The following BAZ2B variants were observed in gnomAD, a reference collection of about 807,000 sequenced individuals.
The protein encoded by BAZ2B is bromodomain adjacent to zinc finger domain 2B, also known as bromodomain adjacent to zinc finger domain protein 2B.
BAZ2B carries 91 observed loss-of-function variants against 246.0 expected under a neutral mutation model. The observed-to-expected ratio is 0.37, with a 90% confidence interval of 0.31 to 0.44. The LOEUF (loss-of-function observed/expected upper bound fraction) is 0.44, where lower values mean the gene tolerates loss of function less well. Among genes scored for constraint, BAZ2B ranks in the 20% least tolerant of loss-of-function variants. BAZ2B has a pLI of 1.00. For missense variants in BAZ2B, 2,332 were observed against 2,533.7 expected, an observed-to-expected ratio of 0.92 and a Z score of 1.71; for synonymous variants, 855 against 860.0, an observed-to-expected ratio of 0.99 and a Z score of 0.10.
At chr2:159,463,074 C>T in intron 3 of BAZ2B, 1 of 717,250 alleles carries the variant, frequency 1.4e-6, no homozygotes, top group South Asian at 1.6e-5. Flanking sequence ...CGGGTGTGAA[C>T]TGATCCATGT....
downstream of BAZ2B, among the ~76,000 whole-genome samples, chr2:159,318,221 A>G (rs1025422402): frequency 2.6e-4 from 40 of 152,222 alleles, no homozygotes; most frequent in Non-Finnish European, 1.8e-4. Context: ...TAGAAACACA[A>G]AAACCAGACA....
chr2:159,453,940 C>T, intron 3 of BAZ2B, 139 bp from the exon 4 acceptor site: 2 of 644,592 alleles, frequency 3.1e-6, no homozygotes, highest in East Asian at 3.5e-5. Flanking sequence ...GCATTTTCTA[C>T]TCTTCAAACC....
chr2:159,427,833 T>C, intron 13 of BAZ2B, 108 bp downstream of exon 13: 2 of 820,422 alleles, frequency 2.4e-6, no homozygotes, highest in East Asian at 2.6e-5. Flanking sequence ...TATAGCCATA[T>C]GAACTAATTA....
chr2:159,481,590 G>A (rs1383917415), intron 2 of BAZ2B, among the ~76,000 whole-genome samples: 1 of 151,770 alleles, frequency 6.6e-6, no homozygotes, highest in Non-Finnish European at 1.5e-5. Context: ...TCACAGTGGA[G>A]AAACAACATT....
chr2:159,398,748 T>A, intron 18 of BAZ2B, 81 bp downstream of exon 18: 4 of 1,303,956 alleles, frequency 3.1e-6, no homozygotes, highest in Non-Finnish European at 4.2e-6. Context: ...AAGAAAGCTA[T>A]TTTTTCATAT....
At chr2:159,318,800 T>G (rs912339142), downstream of BAZ2B, among the ~76,000 whole-genome samples, 2 of 151,656 alleles carry the variant, frequency 1.3e-5, no homozygotes, top group Non-Finnish European at 2.9e-5. Flanking sequence ...CCAGAGAGGT[T>G]TTCAGGCTAC....
At chr2:159,411,053 ACT>A (rs1208786451) in intron 14 of BAZ2B, among the ~76,000 whole-genome samples, 1 of 152,182 alleles carries the variant, frequency 6.6e-6, no homozygotes, top group African/African-American at 2.4e-5. Flanking sequence ...ACAGGGTCTC[ACT>A]CTGTCAGCCA....
rs558886477 is a variant in BAZ2B, at chr2:159,455,292, C to T, written c.146-1491G>A. Among the ~76,000 whole-genome samples the T allele has an allele frequency of 9.0e-4, 137 of 152,178 alleles. 1 individual carries two copies. The highest frequency in any genetic ancestry group is 3.1e-3 in the African/African-American group (128 of 41,550). ...AAAACCAAGGGAAAGTCCTAAAAAA[C>T]GGTCAGTGTACCCTCTAAAGTCTGA... On this transcript the variant is annotated intron_variant, in intron 3 of 36. Transcript: ENST00000392783.
intron 33 of BAZ2B, among the ~76,000 whole-genome samples, chr2:159,335,367 T>G (rs1299831315): frequency 6.6e-6 from 1 of 151,918 alleles, no homozygotes; most frequent in African/African-American, 2.4e-5. Context: ...GCCAACATGG[T>G]GAAACACTGT....
At chr2:159,643,550 T>C in the BAZ2B span, among the ~76,000 whole-genome samples, 1 of 152,104 alleles carries the variant, frequency 6.6e-6, no homozygotes, top group African/African-American at 2.4e-5. Context: ...CCGTAATTCA[T>C]ACCCTTCTCA....
chr2:159,457,733 C>T lies in BAZ2B; in HGVS notation c.146-3932G>A, dbSNP rs115163350. On this transcript the variant is annotated intron_variant, in intron 3 of 36. Coordinates refer to ENST00000392783, the MANE Select transcript of BAZ2B (RefSeq NM_013450.4). ...TCCATTCCCTTATTTCTCAGCACCACCTCCAGCCCCTCCCAGGGCCACTCC... is the reference window on the plus strand; with the variant it reads ...TCCATTCCCTTATTTCTCAGCACCATCTCCAGCCCCTCCCAGGGCCACTCC... Among the ~76,000 whole-genome samples, 838 of 152,230 alleles carry T rather than the reference C, an allele frequency of 5.5e-3. 8 individuals carry two copies. The highest frequency in any genetic ancestry group is 0.019 in the African/African-American group (802 of 41,540).
chr2:159,539,701 C>A (rs144496779), intron 2 of BAZ2B, among the ~76,000 whole-genome samples: 2 of 152,310 alleles, frequency 1.3e-5, no homozygotes, highest in African/African-American at 4.8e-5. Context: ...CATACTGAGA[C>A]CCTGTCTGTA....
intron 27 of BAZ2B, among the ~76,000 whole-genome samples, chr2:159,365,844 C>T (rs921342957): frequency 2.6e-5 from 4 of 151,992 alleles, no homozygotes; most frequent in Admixed American, 6.6e-5. Context: ...CGTGCCTGAC[C>T]AAAAAAAGTG....
intron 14 of BAZ2B, among the ~76,000 whole-genome samples, chr2:159,405,454 C>T (rs764837637): frequency 5.4e-4 from 82 of 152,134 alleles, no homozygotes; most frequent in Admixed American, 1.1e-3. Flanking sequence ...TCATGATCTG[C>T]CCCGCCTCGG....
chr2:159,585,825 G>C (rs1416617000), intron 1 of BAZ2B, among the ~76,000 whole-genome samples: 1 of 152,238 alleles, frequency 6.6e-6, no homozygotes, highest in African/African-American at 2.4e-5. Context: ...CTGCTTTCAA[G>C]TTTTTCAGTT....
intron 1 of BAZ2B, among the ~76,000 whole-genome samples, chr2:159,576,949 G>A (rs1685489614): frequency 6.7e-6 from 1 of 148,436 alleles, no homozygotes; most frequent in Admixed American, 6.8e-5. Context: ...AGTGTGGCCA[G>A]GCACGGTGGC....
upstream of BAZ2B, chr2:159,616,847 A>G (rs1559916739): frequency 1.3e-5 from 2 of 152,232 alleles, no homozygotes; most frequent in South Asian, 4.1e-4. Context: ...AAAAAACAAA[A>G]GCTACAGAGT....
intron 3 of BAZ2B, among the ~76,000 whole-genome samples, chr2:159,465,544 G>T (rs971026492): frequency 6.6e-6 from 1 of 152,094 alleles, no homozygotes; most frequent in African/African-American, 2.4e-5. Context: ...ACTAAAAAGT[G>T]AAGTAAAATA....
the BAZ2B span, among the ~76,000 whole-genome samples, chr2:159,659,323 T>C: frequency 1.3e-5 from 2 of 152,316 alleles, no homozygotes; most frequent in East Asian, 3.9e-4. Flanking sequence ...TGTGTGTGGG[T>C]TGCAGAACCT....
Sources: gnomAD v4.1 joint callset for allele counts (sites outside exome capture counted in the v4.1 genomes callset) on GRCh38, gnomAD v4.1.1 for gene constraint, MANE v1.5 for transcripts, NCBI Gene and HGNC (gene_info 2026-07-23, HGNC 2026-07-21) for gene names.